The following ST6GAL1 variants were observed in gnomAD, a reference collection of about 807,000 sequenced individuals.
ST6GAL1 encodes beta-galactoside alpha-2,6-sialyltransferase 1.
In ST6GAL1, 20 loss-of-function variants were observed where a neutral mutation model predicts 38.0. The observed-to-expected ratio is 0.53, with a 90% CI of 0.37 to 0.77. The LOEUF is 0.77. Ranked by LOEUF, ST6GAL1 falls within the 30% of genes least tolerant of loss-of-function variation. The pLI, the probability that ST6GAL1 is intolerant of heterozygous loss-of-function variation, is 0.00. For synonymous variants in ST6GAL1, 196 were observed against 188.2 expected, an observed-to-expected ratio of 1.04 and a Z score of -0.34; for missense variants, 432 against 496.4, an observed-to-expected ratio of 0.87 and a Z score of 1.23.
At chr3:187,049,652 G>A (rs4012245) in intron 4 of ST6GAL1, among the ~76,000 whole-genome samples, 93,531 of 152,044 alleles carry the variant, frequency 0.62, 29,204 homozygotes, top group Admixed American at 0.7. Flanking sequence ...AGCCTATTCC[G>A]TGTTGATTTC....
chr3:187,007,010 GA>G (rs1716805451), intron 2 of ST6GAL1, among the ~76,000 whole-genome samples: 1 of 152,172 alleles, frequency 6.6e-6, no homozygotes, highest in South Asian at 2.1e-4. Context: ...CAGCCAAGAT[GA>G]AATAATCCAA....
At chr3:187,050,390 G>A (rs985824611) in intron 4 of ST6GAL1, among the ~76,000 whole-genome samples, 1 of 152,194 alleles carries the variant, frequency 6.6e-6, no homozygotes. Flanking sequence ...ACGTGGGGTA[G>A]AGAAACTTTT....
chr3:187,067,594 T>C (rs1188699987), intron 5 of ST6GAL1, among the ~76,000 whole-genome samples: 1 of 152,120 alleles, frequency 6.6e-6, no homozygotes, highest in East Asian at 1.9e-4. Flanking sequence ...TTCACCTGTT[T>C]CTATTTTCAT....
intron 2 of ST6GAL1, among the ~76,000 whole-genome samples, chr3:186,972,783 C>T (rs528840077): frequency 6.6e-6 from 1 of 152,274 alleles, no homozygotes; most frequent in African/African-American, 2.4e-5. Context: ...TGTAGCACTG[C>T]CCTATAGCTG....
In ST6GAL1 at chr3:187,042,939, G is replaced by A. The variant is rs1335084072; in HGVS notation, c.236G>A (p.Gly79Asp). The change falls in exon 4 of 8, where the codon GGC becomes GAC. Residue 79 changes from glycine to aspartate, a missense_variant. Physicochemically the swap from Gly to Asp is moderately conservative, Grantham distance 94. Coordinates refer to ENST00000169298, the MANE Select transcript of ST6GAL1 (RefSeq NM_173216.2). ...QDPHRGRQTLGSLRGLAKAKP... is the reference protein window; with the variant it reads ...QDPHRGRQTLDSLRGLAKAKP... ...CCCCACAGGGGCCGCCAGACCCTCG[G>A]CAGTCTCAGAGGCCTAGCCAAGGCC... 1 of 1,614,050 alleles carries A rather than the reference G, an allele frequency of 6.2e-7. No homozygotes were observed.
intron 2 of ST6GAL1, among the ~76,000 whole-genome samples, chr3:187,024,499 G>T (rs199556601): frequency 0.031 from 2,262 of 72,656 alleles, 18 homozygotes; most frequent in African/African-American, 0.059. Context: ...TATATAGAGA[G>T]AGAGAGAGAG....
intron 2 of ST6GAL1, among the ~76,000 whole-genome samples, chr3:186,982,054 C>T (rs368688137): frequency 2.6e-5 from 4 of 152,182 alleles, no homozygotes; most frequent in Admixed American, 1.3e-4. Flanking sequence ...AATGAATAAA[C>T]GGGCCTAGAA....
In ST6GAL1 at chr3:187,075,886, A is replaced by G. The variant is rs1053704852; in HGVS notation, c.*83A>G. 3 of 1,571,664 alleles carry G rather than the reference A, an allele frequency of 1.9e-6. No homozygotes were observed. In the African/African-American group the frequency reaches 4.0e-5, roughly 21 times the overall value. ...CAGCCTGGGAAGAACATTTTCCTGAACAATTCCAGCCTGCTCCTTTTACTC... is the reference window on the plus strand; with the variant it reads ...CAGCCTGGGAAGAACATTTTCCTGAGCAATTCCAGCCTGCTCCTTTTACTC... On this transcript the variant is annotated 3_prime_UTR_variant, in exon 8 of 8. Transcript: ENST00000169298. This position sits in a 1 kb window ranked among gnomAD's most constrained non-coding sequence, Gnocchi z 4.1.
intron 2 of ST6GAL1, among the ~76,000 whole-genome samples, chr3:187,029,188 C>G (rs950506285): frequency 1.3e-5 from 2 of 151,600 alleles, no homozygotes. Context: ...AAAGACTGAT[C>G]AGGGTCAGGT....
rs184989714 is a variant in ST6GAL1 at position 187,024,831 on chromosome 3, G to A, written c.-182-13911G>A. On this transcript the variant is annotated intron_variant, in intron 2 of 7. Transcript: ENST00000169298. ...TCCAGTCATCCAAACAAAATGTCCT[G>A]TCCTTGTTTGGATCCCCTTTTGAGC... is the stretch of plus-strand genomic sequence containing the variant. 8 of 152,286 alleles carry A rather than the reference G, an allele frequency of 5.3e-5. No homozygotes were observed. The East Asian group carries it at 1.5e-3, about 29-fold the overall frequency. 9.4% of individuals were successfully genotyped at this position (152,286 alleles called of 1,614,324 possible).
At position 187,075,508 on chromosome 3, in the gene ST6GAL1, C is replaced by T; in HGVS notation, c.980-54C>T. 6.3e-7 allele frequency: 1 copy of T among 1,599,760 alleles called. No homozygotes were observed. The highest frequency in any genetic ancestry group is 1.1e-5 in the South Asian group (1 of 89,252). ...GCTGCTGAACCCACTGGGCAGAGCT[C>T]TGGGGTGCTGGGGTGGGTTGTCAGG... is the stretch of plus-strand genomic sequence containing the variant. On this transcript the variant is annotated intron_variant, in intron 7 of 7. Transcript: ENST00000169298. This position sits in a 1 kb window ranked among gnomAD's most constrained non-coding sequence, Gnocchi z 4.1.
intron 2 of ST6GAL1, among the ~76,000 whole-genome samples, chr3:186,971,190 G>C (rs1350913646): frequency 6.6e-6 from 1 of 152,228 alleles, no homozygotes; most frequent in African/African-American, 2.4e-5. Flanking sequence ...CCGGGTTCAA[G>C]CGATTCTTCT....
chr3:187,024,369 A>G (rs375925768), intron 2 of ST6GAL1, among the ~76,000 whole-genome samples: 1 of 151,488 alleles, frequency 6.6e-6, no homozygotes. Context: ...CTGGGATTAC[A>G]GGCATGAGCC....
chr3:186,998,137 T>C (rs1247406683), intron 2 of ST6GAL1, among the ~76,000 whole-genome samples: 3 of 152,028 alleles, frequency 2.0e-5, no homozygotes, highest in Non-Finnish European at 4.4e-5. Flanking sequence ...ACAGATGAAA[T>C]TAATTTAAAC....
chr3:186,965,747 G>T (rs962208436), intron 2 of ST6GAL1, among the ~76,000 whole-genome samples: 6 of 152,152 alleles, frequency 3.9e-5, no homozygotes, highest in Non-Finnish European at 8.8e-5. Context: ...GGAACGTGGT[G>T]GGTGGTCTCC....
At chr3:186,976,289 A>G (rs1424681895) in intron 2 of ST6GAL1, among the ~76,000 whole-genome samples, 2 of 152,222 alleles carry the variant, frequency 1.3e-5, no homozygotes, top group African/African-American at 4.8e-5. Flanking sequence ...AAGAATTGGA[A>G]ACAGAGAGTT....
At chr3:187,020,296 A>AAAACAAACAAAC (rs111267127) in intron 2 of ST6GAL1, among the ~76,000 whole-genome samples, 117 of 151,852 alleles carry the variant, frequency 7.7e-4, no homozygotes, top group African/African-American at 2.3e-3. Context: ...CTCTGTCTCA[A>AAAACAAACAAAC]AAACAAACAA....
At chr3:186,970,128 T>C (rs561094375) in intron 2 of ST6GAL1, among the ~76,000 whole-genome samples, 2 of 152,270 alleles carry the variant, frequency 1.3e-5, no homozygotes, top group African/African-American at 2.4e-5. Context: ...AACATGTGTA[T>C]AGTTTGTGTC....
chr3:187,024,493 T>TATAGAGAG lies in ST6GAL1; in HGVS notation c.-182-14248_-182-14247insTAGAGAGA, dbSNP rs1275438498. On this transcript the variant is annotated intron_variant, in intron 2 of 7. Transcript: ENST00000169298. ...ATATGTGTATATATATATATATATA[T>TATAGAGAG]AGAGAGAGAGAGAGAGAGAGAGAGA... Among the ~76,000 whole-genome samples, 7 of 85,800 alleles carry TATAGAGAG rather than the reference T, an allele frequency of 8.2e-5. No homozygotes were observed. In the South Asian group the frequency reaches 2.5e-3, roughly 30 times the overall value. 56.3% of individuals were successfully genotyped at this position (85,800 alleles called of 152,430 possible).
Sources: allele counts gnomAD v4.1 joint callset (sites outside exome capture counted in the v4.1 genomes callset), GRCh38; gene constraint gnomAD v4.1.1; non-coding constraint Gnocchi (gnomAD v3.1); transcripts MANE v1.5; gene names NCBI Gene and HGNC (gene_info 2026-07-23, HGNC 2026-07-21).